Variants in ABL2 observed in about 807,000 individuals in gnomAD.
ABL2 encodes the protein ABL proto-oncogene 2, non-receptor tyrosine kinase, also known as tyrosine-protein kinase ABL2.
In ABL2, 49 loss-of-function variants were observed where a neutral mutation model predicts 107.7. The observed-to-expected ratio is 0.45, with a 90% confidence interval of 0.36 to 0.58. The LOEUF is 0.58. ABL2 is among the 20% of genes least tolerant of loss of function. ABL2 has a pLI of 0.00. For missense variants in ABL2, 1,245 were observed against 1,457.0 expected, an observed-to-expected ratio of 0.85 and a Z score of 2.37; for synonymous variants, 549 against 548.6, an observed-to-expected ratio of 1.00 and a Z score of -0.01.
intron 1 of ABL2, among the ~76,000 whole-genome samples, chr1:179,200,682 T>G (rs1266872622): frequency 6.6e-6 from 1 of 152,162 alleles, no homozygotes; most frequent in Non-Finnish European, 1.5e-5. Context: ...TCCACTATTG[T>G]ATTGGAAATC....
intron 6 of ABL2, among the ~76,000 whole-genome samples, chr1:179,119,694 GT>G (rs1235028769): frequency 6.6e-6 from 1 of 152,036 alleles, no homozygotes; most frequent in Non-Finnish European, 1.5e-5. Context: ...GAGGGGTGTG[GT>G]CACAGTTTTT....
chr1:179,203,018 T>G (rs1338577467), intron 1 of ABL2, among the ~76,000 whole-genome samples: 1 of 152,194 alleles, frequency 6.6e-6, no homozygotes, highest in Non-Finnish European at 1.5e-5. Flanking sequence ...CAAAGAGGCT[T>G]AAAAGGATAC....
At chr1:179,121,203 G>A (rs751041847) in intron 5 of ABL2, among the ~76,000 whole-genome samples, 2 of 152,196 alleles carry the variant, frequency 1.3e-5, no homozygotes, top group Non-Finnish European at 2.9e-5. Flanking sequence ...AAAGAGACAG[G>A]AGGAACAAGA....
chr1:179,199,069 C>G (rs1464984426), intron 1 of ABL2, among the ~76,000 whole-genome samples: 2 of 152,076 alleles, frequency 1.3e-5, no homozygotes. Context: ...TCTCGAACTC[C>G]TGACCTCAGG....
At chr1:179,140,220 A>G (rs1396481554) in intron 1 of ABL2, among the ~76,000 whole-genome samples, 1 of 152,148 alleles carries the variant, frequency 6.6e-6, no homozygotes, top group East Asian at 1.9e-4. Flanking sequence ...TATTCTGGCC[A>G]CTGACATCAA....
chr1:179,150,316 T>A (rs1233884784), intron 1 of ABL2, among the ~76,000 whole-genome samples: 1 of 152,174 alleles, frequency 6.6e-6, no homozygotes, highest in African/African-American at 2.4e-5. Flanking sequence ...GACAACCTTT[T>A]AGAAAGGATC....
chr1:179,139,451 A>G (rs1180443082), intron 1 of ABL2, among the ~76,000 whole-genome samples: 1 of 152,190 alleles, frequency 6.6e-6, no homozygotes, highest in African/African-American at 2.4e-5. Flanking sequence ...TAAGAGCTGT[A>G]GCACTCACCG....
chr1:179,103,390 A>G lies in ABL2; in HGVS notation c.*4328T>C, dbSNP rs1180609345. 4.9e-6 allele frequency: 1 copy of G among 204,042 alleles called. No individual in the cohort carries two copies. Among genetic ancestry groups the G allele is most frequent in the Non-Finnish European group, 1.0e-5 (1 of 99,742 alleles). 12.6% of individuals were successfully genotyped at this position (204,042 alleles called of 1,614,324 possible). ...TTTAAACAGACAATACTACAACCTT[A>G]TAGTTATATTACAGTTGATATTTTC... is the stretch of plus-strand genomic sequence containing the variant. On this transcript the variant is annotated 3_prime_UTR_variant, in exon 12 of 12. Transcript: ENST00000502732.
At chr1:179,229,203 T>TCCCCCCC in intron 1 of ABL2, 38 bp downstream of exon 1, 1 of 484,118 alleles carries the variant, frequency 2.1e-6, no homozygotes. Flanking sequence ...ACCCCCGGCC[T>TCCCCCCC]CCCCCACGCT....
chr1:179,117,276 G>A (rs534492623), intron 8 of ABL2, 56 bp downstream of exon 8: 1 of 1,519,596 alleles, frequency 6.6e-7, no homozygotes, highest in East Asian at 2.3e-5. Context: ...AAAGAATCAA[G>A]GCATTTATAA....
chr1:179,158,054 C>T (rs1386515855), intron 1 of ABL2, among the ~76,000 whole-genome samples: 2 of 152,042 alleles, frequency 1.3e-5, no homozygotes, highest in Admixed American at 6.6e-5. Flanking sequence ...GGGTGGAATA[C>T]GGTGTTCACA....
Position 179,131,405 on chromosome 1 carries a change from C to G in ABL2, c.297G>C (p.Glu99Asp). The G allele has an allele frequency of 6.2e-7, 1 of 1,614,126 alleles. No homozygotes were observed. Among genetic ancestry groups the G allele is most frequent in the Non-Finnish European group, 8.5e-7 (1 of 1,179,974 alleles). Reference sequence around the variant, plus strand: ...CACTCTCAGTGGCTCCGAGCAAGTTCTCCTTGGAGCTCCACCTGATAGCCT... The same window carrying G: ...CACTCTCAGTGGCTCCGAGCAAGTTGTCCTTGGAGCTCCACCTGATAGCCT... ...LNEAIRWSSK[E>D]NLLGATESDP... Residue 99 changes from glutamate to aspartate, a missense_variant, in exon 3 of 12, where the codon GAG (glutamate) becomes GAC (aspartate). Glu to Asp is a conservative substitution (Grantham distance 45). This residue lies in a region of ABL2 where 164 missense variants were observed against 143.7 expected (regional missense o/e 1.14). Coordinates refer to ENST00000502732, the MANE Select transcript of ABL2 (RefSeq NM_007314.4).
chr1:179,177,386 G>A lies in ABL2; in HGVS notation c.158-44012C>T, dbSNP rs144735043. Among the ~76,000 whole-genome samples the A allele has an allele frequency of 2.8e-3, 421 of 152,230 alleles. 1 individual carries two copies. The highest frequency in any genetic ancestry group is 9.1e-3 in the African/African-American group (378 of 41,546). ...GCCAAGTCAAGTTCCAAGAATAGTC[G>A]TGGCATACCATCCCCCTCCAACTAC... On this transcript the variant is annotated intron_variant, in intron 1 of 11. Transcript: ENST00000502732.
intron 1 of ABL2, chr1:179,137,896 G>A (rs540985319): frequency 6.6e-6 from 1 of 152,276 alleles, no homozygotes; most frequent in South Asian, 2.1e-4. Flanking sequence ...TCTGGACCGG[G>A]TGCCTTACAT....
At chr1:179,190,009 G>A (rs537711405) in intron 1 of ABL2, among the ~76,000 whole-genome samples, 2 of 152,080 alleles carry the variant, frequency 1.3e-5, no homozygotes, top group African/African-American at 4.8e-5. Context: ...TAGTAGAGAC[G>A]GGGTTTCTCC....
At chr1:179,229,167 T>TTCCCCCC in intron 1 of ABL2, 74 bp downstream of exon 1, 1 of 402,572 alleles carries the variant, frequency 2.5e-6, no homozygotes, top group Non-Finnish European at 4.6e-6. Context: ...GGGCAGCCCG[T>TTCCCCCC]CCGCCACCCA....
intron 1 of ABL2, among the ~76,000 whole-genome samples, chr1:179,170,331 AC>A (rs1218236377): frequency 1.3e-5 from 2 of 152,156 alleles, no homozygotes; most frequent in African/African-American, 2.4e-5. Context: ...TACGTTTCCA[AC>A]ATGCAAGCTT....
intron 1 of ABL2, among the ~76,000 whole-genome samples, chr1:179,192,541 A>G (rs1454503162): frequency 6.6e-6 from 1 of 152,196 alleles, no homozygotes; most frequent in Non-Finnish European, 1.5e-5. Flanking sequence ...TGTTATCATA[A>G]TGGCACACCA....
intron 1 of ABL2, among the ~76,000 whole-genome samples, chr1:179,169,739 T>C (rs921525515): frequency 1.3e-5 from 2 of 152,024 alleles, no homozygotes; most frequent in Non-Finnish European, 2.9e-5. Flanking sequence ...ATGCCACAGA[T>C]TGGGTAATTT....
Sources: gnomAD v4.1 joint callset for allele counts (sites outside exome capture counted in the v4.1 genomes callset) on GRCh38, gnomAD v4.1.1 for gene constraint, gnomAD v4.1.1 regional missense constraint, MANE v1.5 for transcripts, NCBI Gene and HGNC (gene_info 2026-07-23, HGNC 2026-07-21) for gene names.